AK5: variants seen among roughly 807,000 people sequenced by gnomAD.
AK5 encodes the protein adenylate kinase isoenzyme 5.
A neutral mutation model predicts 69.5 loss-of-function variants in AK5; 27 were observed. The observed-to-expected ratio is 0.39, with a 90% CI of 0.29 to 0.54. The LOEUF (loss-of-function observed/expected upper bound fraction) is 0.54. AK5 is among the 20% of genes least tolerant of loss of function. AK5 has a pLI of 0.71. For missense variants in AK5, 531 were observed against 700.4 expected, an observed-to-expected ratio of 0.76 and a Z score of 2.73; for synonymous variants, 260 against 244.4, an observed-to-expected ratio of 1.06 and a Z score of -0.60.
intron 6 of AK5, among the ~76,000 whole-genome samples, chr1:77,376,971 C>T (rs1647293008): frequency 6.6e-6 from 1 of 152,104 alleles, no homozygotes; most frequent in Admixed American, 6.5e-5. Flanking sequence ...TTAAGTCACA[C>T]CATTAAATAA....
intron 12 of AK5, among the ~76,000 whole-genome samples, chr1:77,526,986 T>C (rs904297736): frequency 6.6e-6 from 1 of 152,230 alleles, no homozygotes; most frequent in East Asian, 1.9e-4. Flanking sequence ...CCTATGGGGT[T>C]CCACATCATT....
intron 8 of AK5, among the ~76,000 whole-genome samples, chr1:77,437,939 C>G (rs903218433): frequency 6.6e-6 from 1 of 152,016 alleles, no homozygotes; most frequent in African/African-American, 2.4e-5. Flanking sequence ...CTAGTTCTTT[C>G]CTTCTTAGAC....
At chr1:77,300,192 G>C (rs1659255215) in intron 5 of AK5, among the ~76,000 whole-genome samples, 1 of 152,136 alleles carries the variant, frequency 6.6e-6, no homozygotes, top group Non-Finnish European at 1.5e-5. Context: ...CTGGATACCT[G>C]ATCAATCTAC....
intron 8 of AK5, among the ~76,000 whole-genome samples, chr1:77,450,107 CT>C (rs1377179807): frequency 6.6e-6 from 1 of 152,166 alleles, no homozygotes; most frequent in Admixed American, 6.5e-5. Flanking sequence ...CAAGAGTCAC[CT>C]TTGCTGCAGT....
intron 8 of AK5, among the ~76,000 whole-genome samples, chr1:77,469,788 C>T (rs1022938667): frequency 5.9e-5 from 9 of 152,178 alleles, no homozygotes; most frequent in South Asian, 2.1e-4. Context: ...GAAGCATAGC[C>T]GTGGAACTAG....
At chr1:77,308,847 C>T (rs2154090) in intron 5 of AK5, among the ~76,000 whole-genome samples, 134,404 of 151,978 alleles carry the variant, frequency 0.88, 59,859 homozygotes, top group Middle Eastern at 0.97. Context: ...CGTGTGCCTA[C>T]AGTCCCAGCT....
At chr1:77,426,739 A>G (rs1651235765) in intron 8 of AK5, among the ~76,000 whole-genome samples, 1 of 152,232 alleles carries the variant, frequency 6.6e-6, no homozygotes, top group Non-Finnish European at 1.5e-5. Flanking sequence ...ATTCTGGGTC[A>G]TAAAACATAC....
At chr1:77,522,262 T>C (rs1658032848) in intron 12 of AK5, among the ~76,000 whole-genome samples, 1 of 152,168 alleles carries the variant, frequency 6.6e-6, no homozygotes, top group Non-Finnish European at 1.5e-5. Context: ...TTCTACCATC[T>C]AAGTGGCTTC....
At chr1:77,290,001 CA>C (rs1658595512) in intron 2 of AK5, among the ~76,000 whole-genome samples, 2 of 149,996 alleles carry the variant, frequency 1.3e-5, no homozygotes, top group African/African-American at 4.9e-5. Context: ...TAAGCTAAAA[CA>C]AGAATGGAAA....
chr1:77,295,016 T>C (rs1011203546), intron 3 of AK5, among the ~76,000 whole-genome samples: 1 of 151,818 alleles, frequency 6.6e-6, no homozygotes, highest in Non-Finnish European at 1.5e-5. Flanking sequence ...AGACCTCATC[T>C]CAAAAAAAGA....
chr1:77,458,510 G>T (rs1653637219), intron 8 of AK5, among the ~76,000 whole-genome samples: 1 of 152,208 alleles, frequency 6.6e-6, no homozygotes, highest in Admixed American at 6.5e-5. Context: ...AAGGAAAGAG[G>T]TTTAATGGAG....
chr1:77,474,670 C>T (rs1654733188), intron 8 of AK5, among the ~76,000 whole-genome samples: 1 of 152,224 alleles, frequency 6.6e-6, no homozygotes, highest in Non-Finnish European at 1.5e-5. Context: ...TCTCCACTGG[C>T]TCACCTCATC....
intron 5 of AK5, among the ~76,000 whole-genome samples, chr1:77,327,456 TG>T (rs1223328848): frequency 6.6e-6 from 1 of 151,860 alleles, no homozygotes; most frequent in Non-Finnish European, 1.5e-5. Context: ...AACAACATGC[TG>T]AAGAAAATCT....
chr1:77,495,720 C>G (rs1003986317), intron 10 of AK5, among the ~76,000 whole-genome samples: 3 of 152,070 alleles, frequency 2.0e-5, no homozygotes, highest in African/African-American at 7.2e-5. Flanking sequence ...TCTGAGGGAA[C>G]CTGGTCATGC....
intron 13 of AK5, among the ~76,000 whole-genome samples, chr1:77,540,901 TTTTG>T (rs775738688): frequency 6.6e-6 from 1 of 151,972 alleles, no homozygotes; most frequent in Non-Finnish European, 1.5e-5. Context: ...AGGAGTTTTT[TTTTG>T]TTTGTTTCTT....
intron 7 of AK5, among the ~76,000 whole-genome samples, chr1:77,412,801 C>A (rs995624623): frequency 1.3e-5 from 2 of 152,234 alleles, no homozygotes; most frequent in South Asian, 4.2e-4. Flanking sequence ...GAATGGCATC[C>A]AATTCTCTTT....
chr1:77,320,815 G>T (rs980884158), intron 5 of AK5, among the ~76,000 whole-genome samples: 1 of 152,180 alleles, frequency 6.6e-6, no homozygotes, highest in African/African-American at 2.4e-5. Context: ...TGACATTAAA[G>T]TAGACTTCAG....
In AK5 at chr1:77,558,593, TA is replaced by T; in HGVS notation, c.1621-6del. 6.5e-7 allele frequency: 1 copy of T among 1,529,396 alleles called. No individual in the cohort carries two copies. The highest frequency in any genetic ancestry group is 9.1e-7 in the Non-Finnish European group (1 of 1,104,330). The allele number at this position is 1,529,396 out of a possible 1,614,324, so 94.7% of individuals were successfully genotyped here. ...CAGACTAACTCTCTTTTTTTCCTTT[TA>T]AATATAGATAAATGCAGAGGGAACA... On this transcript the variant is annotated splice_polypyrimidine_tract_variant and splice_region_variant and intron_variant, in intron 13 of 13. Coordinates refer to ENST00000354567, the MANE Select transcript of AK5 (RefSeq NM_174858.3).
Position 77,294,823 on chromosome 1 carries a change from T to C in AK5, c.415+863T>C, listed in dbSNP as rs975499269. 5.9e-5 allele frequency among the ~76,000 whole-genome samples: 9 copies of C among 151,840 alleles called. 1 individual carries two copies. Among genetic ancestry groups the C allele is most frequent in the Admixed American group, 5.3e-4 (8 of 15,238 alleles). ...AGGGAGGATCACTTGAGCCCAGGAG[T>C]TTCAGACCAGCCTGGTCAACATAGT... is the stretch of plus-strand genomic sequence containing the variant. On this transcript the variant is annotated intron_variant, in intron 3 of 13. Transcript: ENST00000354567.
Sources: allele counts gnomAD v4.1 joint callset (sites outside exome capture counted in the v4.1 genomes callset), GRCh38; gene constraint gnomAD v4.1.1; transcripts MANE v1.5; gene names NCBI Gene and HGNC (gene_info 2026-07-23, HGNC 2026-07-21).